The following GALNT17 variants were observed in gnomAD, a reference collection of about 807,000 sequenced individuals.
GALNT17 encodes the protein UDP-GalNAc:polypeptide N-acetylgalactosaminyltransferase-like 3.
Under a neutral mutation model 63.7 loss-of-function variants are expected in GALNT17, and 29 were observed. The observed-to-expected ratio is 0.46, with a 90% CI of 0.34 to 0.62. The LOEUF is 0.62. Among genes scored for constraint, GALNT17 ranks in the 20% least tolerant of loss-of-function variants. GALNT17 has a pLI of 0.01. For synonymous variants in GALNT17, 305 were observed against 318.3 expected (o/e 0.96, Z 0.45); for missense variants, 603 against 799.6 (o/e 0.75, Z 2.97).
intron 1 of GALNT17, among the ~76,000 whole-genome samples, chr7:71,272,097 T>C (rs1242420031): frequency 6.6e-6 from 1 of 152,212 alleles, no homozygotes; most frequent in Non-Finnish European, 1.5e-5. Flanking sequence ...TAGACTGTCA[T>C]ACATTGGAAA....
intron 1 of GALNT17, among the ~76,000 whole-genome samples, chr7:71,139,341 G>A (rs1787843149): frequency 6.6e-6 from 1 of 152,176 alleles, no homozygotes; most frequent in African/African-American, 2.4e-5. Context: ...CACGCAGGAC[G>A]CACAGCAGAG....
intron 1 of GALNT17, among the ~76,000 whole-genome samples, chr7:71,224,142 C>T (rs1011288289): frequency 1.7e-4 from 26 of 152,102 alleles, no homozygotes; most frequent in African/African-American, 6.0e-4. Flanking sequence ...GCAACCTCTG[C>T]CTCCTGGGTT....
intron 9 of GALNT17, among the ~76,000 whole-genome samples, chr7:71,700,910 A>G (rs10085425): frequency 0.14 from 20,783 of 152,202 alleles, 1,627 homozygotes; most frequent in African/African-American, 0.2. Flanking sequence ...TCATTCATTC[A>G]TGATGTCAAC....
chr7:71,709,020 G>A (rs539844464), intron 9 of GALNT17, among the ~76,000 whole-genome samples: 6 of 152,248 alleles, frequency 3.9e-5, no homozygotes, highest in Non-Finnish European at 8.8e-5. Context: ...TGCAATGAAC[G>A]TGTAAGTGCA....
At chr7:71,330,983 G>C (rs1430823669) in intron 1 of GALNT17, among the ~76,000 whole-genome samples, 1 of 152,104 alleles carries the variant, frequency 6.6e-6, no homozygotes, top group African/African-American at 2.4e-5. Flanking sequence ...AGTGAGGTTT[G>C]TATCTCAGGC....
intron 6 of GALNT17, among the ~76,000 whole-genome samples, chr7:71,641,286 A>G (rs995416320): frequency 6.6e-6 from 1 of 152,204 alleles, no homozygotes; most frequent in African/African-American, 2.4e-5. Flanking sequence ...ATTTGGTCAC[A>G]TAACTTAATA....
chr7:71,540,380 G>A (rs560005659), intron 5 of GALNT17, among the ~76,000 whole-genome samples: 56 of 151,994 alleles, frequency 3.7e-4, no homozygotes, highest in Middle Eastern at 6.8e-3. Flanking sequence ...GCCTCCCAAA[G>A]TGCTGGGATT....
chr7:71,541,318 C>G (rs1175089736), intron 5 of GALNT17, among the ~76,000 whole-genome samples: 2 of 151,562 alleles, frequency 1.3e-5, no homozygotes, highest in African/African-American at 4.8e-5. Context: ...CTACACTTCC[C>G]GAAGCAGGTG....
At chr7:71,362,610 C>T (rs937693751) in intron 2 of GALNT17, among the ~76,000 whole-genome samples, 1 of 152,188 alleles carries the variant, frequency 6.6e-6, no homozygotes, top group Non-Finnish European at 1.5e-5. Context: ...ACGCATCCCA[C>T]GTGGCTGTGT....
At chr7:71,359,238 A>G (rs888767183) in intron 2 of GALNT17, among the ~76,000 whole-genome samples, 13 of 152,232 alleles carry the variant, frequency 8.5e-5, no homozygotes, top group African/African-American at 3.1e-4. Context: ...TACGAGAAGC[A>G]TGACACCAGC....
At chr7:71,342,888 C>G (rs959704100) in intron 2 of GALNT17, among the ~76,000 whole-genome samples, 2 of 152,150 alleles carry the variant, frequency 1.3e-5, no homozygotes, top group Non-Finnish European at 2.9e-5. Context: ...AAATATAAAT[C>G]TATACCAAAA....
intron 5 of GALNT17, among the ~76,000 whole-genome samples, chr7:71,431,003 C>T (rs1271544858): frequency 6.6e-6 from 1 of 151,946 alleles, no homozygotes; most frequent in African/African-American, 2.4e-5. Context: ...CACAGGCTTT[C>T]AAATGTGTGT....
intron 1 of GALNT17, among the ~76,000 whole-genome samples, chr7:71,231,843 C>A (rs140256682): frequency 1.6e-4 from 25 of 152,100 alleles, no homozygotes; most frequent in African/African-American, 6.0e-4. Flanking sequence ...GAGGGCCCCA[C>A]CCTCATGACA....
chr7:71,339,010 ATCTG>A (rs762962387), intron 2 of GALNT17, among the ~76,000 whole-genome samples: 9 of 152,220 alleles, frequency 5.9e-5, no homozygotes, highest in Non-Finnish European at 1.0e-4. Context: ...TCTCCAAAAC[ATCTG>A]TCTGTTTTTA....
At chr7:71,449,778 A>G (rs1277970646) in intron 5 of GALNT17, among the ~76,000 whole-genome samples, 1 of 152,080 alleles carries the variant, frequency 6.6e-6, no homozygotes, top group Non-Finnish European at 1.5e-5. Flanking sequence ...GCGGTGGCTC[A>G]CGCTTGTAAT....
chr7:71,505,219 C>G (rs1788247718), intron 5 of GALNT17, among the ~76,000 whole-genome samples: 1 of 152,172 alleles, frequency 6.6e-6, no homozygotes, highest in South Asian at 2.1e-4. Flanking sequence ...CCCCAGGCCA[C>G]AGGACCTTTG....
intron 1 of GALNT17, among the ~76,000 whole-genome samples, chr7:71,298,654 T>G (rs1435665013): frequency 6.6e-6 from 1 of 152,042 alleles, no homozygotes; most frequent in Non-Finnish European, 1.5e-5. Flanking sequence ...TGTGTTCAGG[T>G]CACTGTAATT....
chr7:71,216,841 C>T (rs1789491973), intron 1 of GALNT17, among the ~76,000 whole-genome samples: 1 of 152,088 alleles, frequency 6.6e-6, no homozygotes, highest in South Asian at 2.1e-4. Context: ...AGTTATATAA[C>T]TACTTTATGT....
At chr7:71,433,906 T>C (rs181858804) in intron 5 of GALNT17, among the ~76,000 whole-genome samples, 2 of 152,134 alleles carry the variant, frequency 1.3e-5, no homozygotes, top group Non-Finnish European at 2.9e-5. Context: ...CTCAATCTGT[T>C]TGGGCACCAT....
Sources: allele counts gnomAD v4.1 joint callset (sites outside exome capture counted in the v4.1 genomes callset), GRCh38; gene constraint gnomAD v4.1.1; transcripts MANE v1.5; gene names NCBI Gene and HGNC (gene_info 2026-07-23, HGNC 2026-07-21).